The following CAMK4 variants were observed in gnomAD, a reference collection of about 807,000 sequenced individuals.
The protein encoded by CAMK4 is calcium/calmodulin-dependent protein kinase type IV.
A neutral mutation model predicts 44.9 loss-of-function variants in CAMK4; 22 were observed. The ratio of observed to expected loss-of-function variants is 0.49; its 90% CI spans 0.35 to 0.70. The LOEUF is 0.70. Among genes scored for constraint, CAMK4 ranks in the 30% least tolerant of loss-of-function variants. CAMK4 has a pLI of 0.01. For missense variants in CAMK4, 498 were observed against 586.8 expected, an observed-to-expected ratio of 0.85 and a Z score of 1.56; for synonymous variants, 218 against 215.4, an observed-to-expected ratio of 1.01 and a Z score of -0.11.
At chr5:111,479,353 T>C (rs1473161395) in intron 9 of CAMK4, among the ~76,000 whole-genome samples, 5 of 151,738 alleles carry the variant, frequency 3.3e-5, no homozygotes, top group Non-Finnish European at 1.5e-5. Flanking sequence ...TAAGTTAATA[T>C]TGACATTTGT....
intron 5 of CAMK4, among the ~76,000 whole-genome samples, chr5:111,443,307 C>CTATATATATAT (rs1561491372): frequency 1.5e-5 from 2 of 132,864 alleles, no homozygotes; most frequent in African/African-American, 5.7e-5. Context: ...CACACACACA[C>CTATATATATAT]ACACACACTA....
At chr5:111,393,313 T>C (rs1751877470) in intron 4 of CAMK4, among the ~76,000 whole-genome samples, 2 of 152,274 alleles carry the variant, frequency 1.3e-5, no homozygotes, top group South Asian at 2.1e-4. Context: ...CTGAGTCTAA[T>C]CAAGACCCTA....
chr5:111,368,623 T>C (rs1161419799), intron 2 of CAMK4, among the ~76,000 whole-genome samples: 2 of 152,144 alleles, frequency 1.3e-5, no homozygotes, highest in Admixed American at 6.5e-5. Context: ...GGCTTCAGTA[T>C]GGTCTTATCC....
intron 4 of CAMK4, among the ~76,000 whole-genome samples, chr5:111,380,933 A>C (rs1320814741): frequency 1.3e-5 from 2 of 152,174 alleles, no homozygotes; most frequent in Non-Finnish European, 2.9e-5. Context: ...CTTATTCACA[A>C]GGCTTTGCTC....
chr5:111,374,437 G>C (rs1041779121), intron 2 of CAMK4, among the ~76,000 whole-genome samples: 2 of 152,112 alleles, frequency 1.3e-5, no homozygotes, highest in Non-Finnish European at 2.9e-5. Flanking sequence ...TTGTTGGGTA[G>C]GTTGGGTTTT....
rs1749142942 is a variant in CAMK4, at chr5:111,330,968, T to A, written c.162-13056T>A. Among the ~76,000 whole-genome samples the A allele has an allele frequency of 2.0e-5, 3 of 151,718 alleles. No individual in the cohort carries two copies. In the South Asian group the frequency reaches 6.2e-4, roughly 31 times the overall value. ...TGCCTTATACCACAAACAAAAAAAA[T>A]TCAAGATATGTCATATACATAAACA... On this transcript the variant is annotated intron_variant, in intron 1 of 10. Transcript: ENST00000282356.
chr5:111,310,738 C>T (rs904846331), intron 1 of CAMK4, among the ~76,000 whole-genome samples: 3 of 152,148 alleles, frequency 2.0e-5, no homozygotes, highest in Non-Finnish European at 4.4e-5. Flanking sequence ...AAGGAAACTT[C>T]TACTGAATTA....
intron 5 of CAMK4, among the ~76,000 whole-genome samples, chr5:111,416,061 A>G (rs1342573902): frequency 6.6e-6 from 1 of 152,212 alleles, no homozygotes; most frequent in Non-Finnish European, 1.5e-5. Context: ...AGAAGACTGC[A>G]TAAAGGCATC....
At chr5:111,368,940 A>AT (rs1419377701) in intron 2 of CAMK4, among the ~76,000 whole-genome samples, 1 of 151,216 alleles carries the variant, frequency 6.6e-6, no homozygotes, top group East Asian at 1.9e-4. Context: ...TTTTACTAGA[A>AT]TTTTTTTCTT....
intron 4 of CAMK4, among the ~76,000 whole-genome samples, chr5:111,387,373 G>A (rs1051132998): frequency 6.6e-6 from 1 of 152,146 alleles, no homozygotes; most frequent in African/African-American, 2.4e-5. Context: ...GTCACCTCAT[G>A]AAACAAATAC....
At chr5:111,383,272 C>G (rs568202045) in intron 4 of CAMK4, among the ~76,000 whole-genome samples, 3 of 152,268 alleles carry the variant, frequency 2.0e-5, no homozygotes, top group South Asian at 4.2e-4. Context: ...AAAAACTCTT[C>G]TTCCTCTGAA....
chr5:111,226,787 GA>G (rs1748213886), intron 1 of CAMK4, among the ~76,000 whole-genome samples: 1 of 152,222 alleles, frequency 6.6e-6, no homozygotes. Flanking sequence ...CAGCATCAGA[GA>G]GAGTATCCTA....
In CAMK4 at chr5:111,224,403, G is replaced by T. The variant is rs530474251; in HGVS notation, c.-81G>T. 3.5e-5 allele frequency: 52 copies of T among 1,471,648 alleles called. No individual in the cohort carries two copies. The highest frequency in any genetic ancestry group is 4.6e-5 in the Non-Finnish European group (51 of 1,115,710). 91.2% of individuals were successfully genotyped at this position (1,471,648 alleles called of 1,614,324 possible). A position where few individuals can be genotyped will look rare whatever the true frequency, so the allele number is the denominator to read the frequency against. On this transcript the variant is annotated 5_prime_UTR_variant, in exon 1 of 11. Coordinates refer to ENST00000282356, the MANE Select transcript of CAMK4 (RefSeq NM_001744.6). This position sits in a 1 kb window ranked among gnomAD's most constrained non-coding sequence, Gnocchi z 5.7. Reference sequence around the variant, plus strand: ...CCGCCTCTCTCTCGCTCCTGCGTTCGCAGGCGGCGGCTGGCGGCCGGCTTC... The same window carrying T: ...CCGCCTCTCTCTCGCTCCTGCGTTCTCAGGCGGCGGCTGGCGGCCGGCTTC...
chr5:111,267,560 G>A (rs556073266), intron 1 of CAMK4, among the ~76,000 whole-genome samples: 2 of 151,934 alleles, frequency 1.3e-5, no homozygotes, highest in Non-Finnish European at 2.9e-5. Flanking sequence ...AAAAATTAGC[G>A]GGGCGCAGTG....
At chr5:111,456,447 C>T (rs1256204596) in intron 7 of CAMK4, among the ~76,000 whole-genome samples, 4 of 151,754 alleles carry the variant, frequency 2.6e-5, no homozygotes, top group East Asian at 1.9e-4. Flanking sequence ...GCCGAGATAG[C>T]GCCACTGCAC....
chr5:111,229,731 G>A (rs1561348321), intron 1 of CAMK4, among the ~76,000 whole-genome samples: 2 of 152,108 alleles, frequency 1.3e-5, no homozygotes, highest in African/African-American at 4.8e-5. Context: ...GGGATGGTAG[G>A]TTTTTTTATC....
intron 5 of CAMK4, among the ~76,000 whole-genome samples, chr5:111,411,972 T>A (rs6871942): frequency 0.023 from 3,544 of 152,274 alleles, 149 homozygotes; most frequent in African/African-American, 0.081. Flanking sequence ...GAAACAAGCT[T>A]GATGTTTAAG....
chr5:111,457,935 T>C (rs1754477480), intron 7 of CAMK4, among the ~76,000 whole-genome samples: 1 of 152,232 alleles, frequency 6.6e-6, no homozygotes, highest in South Asian at 2.1e-4. Flanking sequence ...GTTAATTAAA[T>C]GCATGGTAAA....
intron 2 of CAMK4, among the ~76,000 whole-genome samples, chr5:111,366,306 T>C (rs1030849026): frequency 4.6e-5 from 7 of 152,130 alleles, no homozygotes; most frequent in Admixed American, 3.9e-4. Context: ...GCATTTTCTG[T>C]GGAAATGCTG....
Sources: gnomAD v4.1 joint callset for allele counts (sites outside exome capture counted in the v4.1 genomes callset) on GRCh38, gnomAD v4.1.1 for gene constraint, Gnocchi (gnomAD v3.1) non-coding constraint, MANE v1.5 for transcripts, NCBI Gene and HGNC (gene_info 2026-07-23, HGNC 2026-07-21) for gene names.